Variants in DACH1 observed in about 807,000 individuals in gnomAD.
DACH1 encodes the protein dachshund homolog 1.
In DACH1, 12 loss-of-function variants were observed where a neutral mutation model predicts 54.2. The observed-to-expected ratio is 0.22, with a 90% CI of 0.14 to 0.36. The LOEUF is 0.36. DACH1 is among the 10% of genes least tolerant of loss of function. DACH1 has a pLI of 1.00. For synonymous variants in DACH1, 386 were observed against 366.2 expected, an observed-to-expected ratio of 1.05 and a Z score of -0.62; for missense variants, 805 against 929.8, an observed-to-expected ratio of 0.87 and a Z score of 1.75.
At chr13:71,490,774 G>T (rs919710433) in intron 6 of DACH1, among the ~76,000 whole-genome samples, 1 of 152,102 alleles carries the variant, frequency 6.6e-6, no homozygotes, top group Non-Finnish European at 1.5e-5. Flanking sequence ...CTCTGGAAAG[G>T]CACTTGTTAA....
chr13:71,560,660 T>C (rs1884525811), intron 4 of DACH1, among the ~76,000 whole-genome samples: 1 of 152,154 alleles, frequency 6.6e-6, no homozygotes, highest in South Asian at 2.1e-4. Context: ...ATGTCAACAG[T>C]CTTGTCTCTC....
chr13:71,594,731 A>C (rs1873971838), intron 3 of DACH1, among the ~76,000 whole-genome samples: 2 of 152,226 alleles, frequency 1.3e-5, no homozygotes, highest in Middle Eastern at 3.4e-3. Flanking sequence ...AAATATCAAC[A>C]AACCGGCCCC....
rs544470188 is a variant in DACH1, at chr13:71,807,526, G to C, written c.848+58396C>G. ...TCTTTCCAAACTCAGAGAGAAAACA[G>C]AGTGTGTGGTTTAAGATTGGTCCAA... is the stretch of plus-strand genomic sequence containing the variant. On this transcript the variant is annotated intron_variant, in intron 1 of 10. Coordinates refer to ENST00000613252, the MANE Select transcript of DACH1 (RefSeq NM_080759.6). 2.0e-5 allele frequency among the ~76,000 whole-genome samples: 3 copies of C among 150,898 alleles called. No homozygotes were observed. In the South Asian group the frequency reaches 6.3e-4, roughly 32 times the overall value.
intron 1 of DACH1, among the ~76,000 whole-genome samples, chr13:71,750,445 G>A (rs977566578): frequency 1.3e-5 from 2 of 152,176 alleles, no homozygotes; most frequent in African/African-American, 4.8e-5. Context: ...AAAAGAATGA[G>A]AAAAGTTAGC....
intron 1 of DACH1, among the ~76,000 whole-genome samples, chr13:71,690,883 G>A (rs1444379852): frequency 6.6e-6 from 1 of 152,172 alleles, no homozygotes; most frequent in African/African-American, 2.4e-5. Context: ...ACAGAGCTGT[G>A]ATCAAACCAC....
intron 3 of DACH1, among the ~76,000 whole-genome samples, chr13:71,592,829 A>ATC (rs1404445210): frequency 1.3e-5 from 2 of 152,192 alleles, no homozygotes; most frequent in African/African-American, 4.8e-5. Context: ...TAAAGTATTC[A>ATC]TCTTCAGTCT....
At chr13:71,646,348 A>C (rs1026168851) in intron 2 of DACH1, among the ~76,000 whole-genome samples, 9 of 152,124 alleles carry the variant, frequency 5.9e-5, no homozygotes, top group African/African-American at 2.2e-4. Context: ...AAAAAAAAAA[A>C]AGAAAAAAAA....
At chr13:71,580,918 A>G (rs1872795322) in intron 3 of DACH1, among the ~76,000 whole-genome samples, 1 of 152,066 alleles carries the variant, frequency 6.6e-6, no homozygotes, top group Non-Finnish European at 1.5e-5. Context: ...ACTACTTTTA[A>G]TTACAAATCT....
intron 6 of DACH1, among the ~76,000 whole-genome samples, chr13:71,553,095 C>T (rs1883993375): frequency 1.4e-5 from 2 of 141,898 alleles, no homozygotes; most frequent in African/African-American, 5.2e-5. Context: ...GACATATATC[C>T]ATATATGTAT....
chr13:71,504,732 A>AT (rs1451318236), intron 6 of DACH1, among the ~76,000 whole-genome samples: 1 of 152,196 alleles, frequency 6.6e-6, no homozygotes, highest in South Asian at 2.1e-4. Flanking sequence ...TTTCATTCTT[A>AT]TGTAACCAGT....
At chr13:71,590,875 C>CTTTTTTTTTTTTTTTTTTTTTTT (rs71123234) in intron 3 of DACH1, among the ~76,000 whole-genome samples, 1 of 85,142 alleles carries the variant, frequency 1.2e-5, no homozygotes, top group African/African-American at 4.7e-5. Flanking sequence ...CTCTCTCTTT[C>CTTTTTTTTTTTTTTTTTTTTTTT]TTTTTTTTTT....
At chr13:71,836,190 A>G (rs1473863085) in intron 1 of DACH1, among the ~76,000 whole-genome samples, 2 of 152,056 alleles carry the variant, frequency 1.3e-5, no homozygotes. Context: ...GTACCATTAT[A>G]GAGTATTCTA....
intron 6 of DACH1, among the ~76,000 whole-genome samples, chr13:71,540,790 A>G (rs1048183404): frequency 1.3e-5 from 2 of 152,034 alleles, no homozygotes; most frequent in Non-Finnish European, 2.9e-5. Flanking sequence ...TATGACAAAA[A>G]TATCACATTG....
rs1324641166 is a variant in DACH1, at chr13:71,489,044, A to T, written c.1675T>A (p.Phe559Ile). 1 of 1,613,906 alleles carries T rather than the reference A, an allele frequency of 6.2e-7. No individual in the cohort carries two copies. The highest frequency in any genetic ancestry group is 8.5e-7 in the Non-Finnish European group (1 of 1,179,866). ...TCGATGGAAGACAGTCCATCAGGAA[A>T]CAGAAAAGGAGATGGAAAACCTGGA... ...LPPGFPSPFLFPDGLSSIETL... is the reference protein window; with the variant it reads ...LPPGFPSPFLIPDGLSSIETL... Residue 559 changes from phenylalanine (F) to isoleucine (I), a missense_variant, in exon 7 of 11, where the codon TTT (phenylalanine) becomes ATT (isoleucine). Phe to Ile is a conservative substitution (Grantham distance 21). Transcript: ENST00000613252.
chr13:71,840,502 G>C (rs1872766643), intron 1 of DACH1, among the ~76,000 whole-genome samples: 1 of 152,074 alleles, frequency 6.6e-6, no homozygotes, highest in African/African-American at 2.4e-5. Context: ...CCGATTAATA[G>C]ATATATCCTA....
In DACH1 at chr13:71,740,905, C is replaced by T. The variant is rs565783560; in HGVS notation, c.849-58995G>A. Among the ~76,000 whole-genome samples the T allele has an allele frequency of 2.6e-5, 4 of 152,038 alleles. No homozygotes were observed. In the South Asian group the frequency reaches 8.3e-4, roughly 31 times the overall value. On this transcript the variant is annotated intron_variant, in intron 1 of 10. Coordinates refer to ENST00000613252, the MANE Select transcript of DACH1 (RefSeq NM_080759.6). Reference sequence around the variant, plus strand: ...TTTAAAATTATGTTAAAATGGAAGCCATCTACCTACCTTTTAGCCTTGACA... The same window carrying T: ...TTTAAAATTATGTTAAAATGGAAGCTATCTACCTACCTTTTAGCCTTGACA...
intron 2 of DACH1, among the ~76,000 whole-genome samples, chr13:71,662,788 A>G (rs919373556): frequency 1.3e-5 from 2 of 151,984 alleles, no homozygotes; most frequent in African/African-American, 4.8e-5. Context: ...TTTTAAGCCA[A>G]TATAAAAATG....
chr13:71,544,056 C>T (rs976756353), intron 6 of DACH1, among the ~76,000 whole-genome samples: 19 of 152,096 alleles, frequency 1.2e-4, no homozygotes, highest in African/African-American at 3.6e-4. Context: ...AAGAACCACA[C>T]CTTCTCTCTT....
chr13:71,633,237 T>C (rs185274222), intron 2 of DACH1, among the ~76,000 whole-genome samples: 2 of 152,288 alleles, frequency 1.3e-5, no homozygotes, highest in African/African-American at 4.8e-5. Context: ...TTGAATATAA[T>C]TTTTTCACCT....
Sources: gnomAD v4.1 joint callset for allele counts (sites outside exome capture counted in the v4.1 genomes callset) on GRCh38, gnomAD v4.1.1 for gene constraint, MANE v1.5 for transcripts, NCBI Gene and HGNC (gene_info 2026-07-23, HGNC 2026-07-21) for gene names.